CACNA2D2: variants seen among roughly 807,000 people sequenced by gnomAD.
CACNA2D2 encodes calcium voltage-gated channel auxiliary subunit alpha2delta 2, also known as voltage-dependent calcium channel subunit alpha-2/delta-2.
CACNA2D2 carries 48 observed loss-of-function variants against 166.4 expected under a neutral mutation model. The ratio of observed to expected loss-of-function variants is 0.29; its 90% CI spans 0.23 to 0.37. CACNA2D2 has a LOEUF of 0.37. CACNA2D2 is among the 10% of genes least tolerant of loss of function. The pLI is 1.00. For synonymous variants in CACNA2D2, 561 were observed against 573.7 expected (o/e 0.98, Z 0.32); for missense variants, 1,122 against 1,433.0 (o/e 0.78, Z 3.50).
chr3:50,478,313 C>A (rs573617085), intron 1 of CACNA2D2, among the ~76,000 whole-genome samples: 1 of 152,322 alleles, frequency 6.6e-6, no homozygotes, highest in Admixed American at 6.5e-5. Flanking sequence ...GGGTGGACAA[C>A]ATAGCGGATG....
At chr3:50,368,758 T>G (rs940117338) in intron 23 of CACNA2D2, among the ~76,000 whole-genome samples, 2 of 152,192 alleles carry the variant, frequency 1.3e-5, no homozygotes, top group Non-Finnish European at 2.9e-5. Flanking sequence ...AGTGGGAACA[T>G]GTGGGTCCTC....
At chr3:50,372,135 C>A (rs1463492291) in intron 22 of CACNA2D2, among the ~76,000 whole-genome samples, 2 of 152,134 alleles carry the variant, frequency 1.3e-5, no homozygotes, top group African/African-American at 4.8e-5. Context: ...CTCTCTCACT[C>A]CCCTTACTCT....
Position 50,376,256 on chromosome 3 carries a change from T to C in CACNA2D2, c.1627-68A>G. 2 of 1,533,756 alleles carry C rather than the reference T, an allele frequency of 1.3e-6. No individual in the cohort carries two copies. The highest frequency in any genetic ancestry group is 1.8e-6 in the Non-Finnish European group (2 of 1,116,130). On this transcript the variant is annotated intron_variant, in intron 17 of 37. Coordinates refer to ENST00000424201, the MANE Select transcript of CACNA2D2 (RefSeq NM_006030.4). The surrounding 1 kb of genome is among the most constrained non-coding windows in gnomAD (Gnocchi z 4.3). Reference sequence around the variant, plus strand: ...TGGGGTTCCCTGGGCTCCGGAGTTCTTCCCTATTTGGCCTCCCACCGCACC... The same window carrying C: ...TGGGGTTCCCTGGGCTCCGGAGTTCCTCCCTATTTGGCCTCCCACCGCACC...
At chr3:50,447,744 G>A (rs1489784946) in intron 2 of CACNA2D2, among the ~76,000 whole-genome samples, 4 of 152,072 alleles carry the variant, frequency 2.6e-5, no homozygotes, top group Non-Finnish European at 4.4e-5. Flanking sequence ...ACCCTGAGCT[G>A]GCAGCCTCCC....
At chr3:50,378,356 G>A in intron 13 of CACNA2D2, 23 bp from the exon 14 acceptor site, 2 of 1,551,062 alleles carry the variant, frequency 1.3e-6, no homozygotes, top group East Asian at 2.4e-5. Context: ...GAGAGGCAGA[G>A]GTGGGCCTGG....
chr3:50,473,136 G>A (rs1710169247), intron 2 of CACNA2D2, among the ~76,000 whole-genome samples: 1 of 152,198 alleles, frequency 6.6e-6, no homozygotes, highest in Admixed American at 6.5e-5. Flanking sequence ...CACTAGCTGC[G>A]ATGTTAGATG....
chr3:50,367,723 T>C lies in CACNA2D2; in HGVS notation c.2235-19A>G, dbSNP rs1377538367. On this transcript the variant is annotated intron_variant, in intron 25 of 37. Coordinates refer to ENST00000424201, the MANE Select transcript of CACNA2D2 (RefSeq NM_006030.4). This position sits in a 1 kb window ranked among gnomAD's most constrained non-coding sequence, Gnocchi z 6.5. Reference sequence around the variant, plus strand: ...GCTGTACCTGGGGGTAGCAGGGGGGTGGGGTCACAGGCCTGCCTTCTGCTG... The same window carrying C: ...GCTGTACCTGGGGGTAGCAGGGGGGCGGGGTCACAGGCCTGCCTTCTGCTG... 1 of 1,609,234 alleles carries C rather than the reference T, an allele frequency of 6.2e-7. No individual in the cohort carries two copies. Among genetic ancestry groups the C allele is most frequent in the African/African-American group, 1.4e-5 (1 of 74,042 alleles).
chr3:50,493,599 C>G (rs947716641), intron 1 of CACNA2D2, among the ~76,000 whole-genome samples: 2 of 152,210 alleles, frequency 1.3e-5, no homozygotes, highest in Non-Finnish European at 2.9e-5. Flanking sequence ...TGTTGGCTCC[C>G]TGTCAGGGGA....
intron 2 of CACNA2D2, among the ~76,000 whole-genome samples, chr3:50,475,575 C>T (rs967833919): frequency 3.3e-5 from 5 of 152,228 alleles, no homozygotes; most frequent in Non-Finnish European, 7.3e-5. Context: ...CTTCACATCA[C>T]TATTTCAAAC....
chr3:50,406,544 C>T (rs1342728112), intron 3 of CACNA2D2, among the ~76,000 whole-genome samples: 1 of 151,730 alleles, frequency 6.6e-6, no homozygotes, highest in Non-Finnish European at 1.5e-5. Context: ...TTGTTCCCCC[C>T]ACTTAACCAG....
intron 3 of CACNA2D2, among the ~76,000 whole-genome samples, chr3:50,420,758 C>T (rs906332864): frequency 3.9e-5 from 6 of 152,206 alleles, no homozygotes; most frequent in Admixed American, 1.3e-4. Context: ...GCAACTGGCA[C>T]AGCCCATCCA....
intron 3 of CACNA2D2, among the ~76,000 whole-genome samples, chr3:50,433,161 C>T (rs1218716079): frequency 6.6e-6 from 1 of 152,176 alleles, no homozygotes; most frequent in Non-Finnish European, 1.5e-5. Flanking sequence ...GCAGGCCTTC[C>T]CTATCCCTTC....
chr3:50,378,796 GCA>G (rs1705128038), intron 13 of CACNA2D2, 117 bp downstream of exon 13: 1 of 1,199,276 alleles, frequency 8.3e-7, no homozygotes, highest in African/African-American at 1.5e-5. Flanking sequence ...ATGGGAGGAG[GCA>G]CACTGTCTTG....
At chr3:50,396,914 G>A (rs1033793143) in intron 3 of CACNA2D2, among the ~76,000 whole-genome samples, 5 of 152,196 alleles carry the variant, frequency 3.3e-5, no homozygotes, top group African/African-American at 7.2e-5. Context: ...CCACAGGGTC[G>A]ATGGGGCTGC....
intron 2 of CACNA2D2, among the ~76,000 whole-genome samples, chr3:50,451,712 G>A (rs114744033): frequency 0.033 from 4,954 of 152,240 alleles, 114 homozygotes; most frequent in Non-Finnish European, 0.054. Context: ...GAGAGGATGG[G>A]GAGCCTGCTG....
At chr3:50,378,696 C>T (rs374920567) in intron 13 of CACNA2D2, among the ~76,000 whole-genome samples, 37 of 152,242 alleles carry the variant, frequency 2.4e-4, no homozygotes, top group African/African-American at 8.7e-4. Flanking sequence ...AGCTGGGGGA[C>T]GGTTGGACAA....
At chr3:50,426,550 G>A (rs1220695385) in intron 3 of CACNA2D2, among the ~76,000 whole-genome samples, 1 of 152,178 alleles carries the variant, frequency 6.6e-6, no homozygotes, top group Non-Finnish European at 1.5e-5. Flanking sequence ...TCAGCCACTA[G>A]GGAGAATTCG....
chr3:50,466,262 G>A (rs1374381027), intron 2 of CACNA2D2, among the ~76,000 whole-genome samples: 1 of 146,038 alleles, frequency 6.8e-6, no homozygotes, highest in African/African-American at 2.5e-5. Context: ...GGGGAAGTGT[G>A]TGTGTGCGCA....
chr3:50,375,758 G>A lies in CACNA2D2; in HGVS notation c.1845+51C>T, dbSNP rs1300670962. ...TGGGCTAGCAGGCAGGGGGCGCTGG[G>A]GTAGAAGGGTGCCCACCCTGACTCC... On this transcript the variant is annotated intron_variant, in intron 20 of 37. Transcript: ENST00000424201. This position sits in a 1 kb window ranked among gnomAD's most constrained non-coding sequence, Gnocchi z 4.0. The A allele has an allele frequency of 3.1e-6, 5 of 1,612,652 alleles. No individual in the cohort carries two copies. The highest frequency in any genetic ancestry group is 4.2e-6 in the Non-Finnish European group (5 of 1,179,676).
Sources: allele counts gnomAD v4.1 joint callset (sites outside exome capture counted in the v4.1 genomes callset), GRCh38; gene constraint gnomAD v4.1.1; non-coding constraint Gnocchi (gnomAD v3.1); transcripts MANE v1.5; gene names NCBI Gene and HGNC (gene_info 2026-07-23, HGNC 2026-07-21).